The following STAU2 variants were observed in gnomAD, a reference collection of about 807,000 sequenced individuals.
STAU2 encodes double-stranded RNA-binding protein Staufen homolog 2.
STAU2 carries 20 observed loss-of-function variants against 65.9 expected under a neutral mutation model. The ratio of observed to expected loss-of-function variants is 0.30; its 90% CI spans 0.21 to 0.44. STAU2 has a LOEUF of 0.44. Ranked by LOEUF, STAU2 falls within the 20% of genes least tolerant of loss-of-function variation. STAU2 has a pLI of 1.00. For missense variants in STAU2, 558 were observed against 683.9 expected (o/e 0.82, Z 2.05); for synonymous variants, 232 against 233.9 (o/e 0.99, Z 0.07).
intron 12 of STAU2, among the ~76,000 whole-genome samples, chr8:73,566,380 T>C (rs190019342): frequency 8.5e-4 from 130 of 152,362 alleles, no homozygotes; most frequent in Non-Finnish European, 1.1e-3. Context: ...CTCAGCCATT[T>C]AGTGTTTTTA....
In STAU2 at chr8:73,681,309, C is replaced by T. The variant is rs547853698; in HGVS notation, c.274+7345G>A. 1.6e-4 allele frequency among the ~76,000 whole-genome samples: 24 copies of T among 152,274 alleles called. No homozygotes were observed. The South Asian group carries it at 5.0e-3, about 32-fold the overall frequency. On this transcript the variant is annotated intron_variant, in intron 5 of 14. Coordinates refer to ENST00000524300, the MANE Select transcript of STAU2 (RefSeq NM_001164380.2). ...AAGCCAGATGGAATTGAGGTCCTAT[C>T]TTTAGCCTCCTTAAATAAAATAATT...
intron 11 of STAU2, among the ~76,000 whole-genome samples, chr8:73,587,009 C>T (rs1810423302): frequency 6.6e-6 from 1 of 151,820 alleles, no homozygotes; most frequent in Non-Finnish European, 1.5e-5. Context: ...CTCAAATGTC[C>T]AACACAATTT....
intron 13 of STAU2, among the ~76,000 whole-genome samples, chr8:73,442,353 CAAA>C (rs10606663): frequency 0.47 from 46,367 of 98,530 alleles, 6,759 homozygotes; most frequent in Admixed American, 0.57. Flanking sequence ...GACTCCGTCT[CAAA>C]AAAAAAAAAA....
chr8:73,536,539 A>T (rs1045096410), intron 13 of STAU2, among the ~76,000 whole-genome samples: 2 of 152,170 alleles, frequency 1.3e-5, no homozygotes, highest in Admixed American at 6.5e-5. Context: ...GACTGTAATG[A>T]GGCGACCCAA....
At chr8:73,429,312 A>G (rs1817073238) in intron 13 of STAU2, among the ~76,000 whole-genome samples, 1 of 151,366 alleles carries the variant, frequency 6.6e-6, no homozygotes, top group South Asian at 2.1e-4. Context: ...TCCTACCCAT[A>G]AGGAAACAGA....
intron 12 of STAU2, among the ~76,000 whole-genome samples, chr8:73,574,045 A>C (rs1157313870): frequency 6.6e-6 from 1 of 152,234 alleles, no homozygotes; most frequent in Non-Finnish European, 1.5e-5. Context: ...AAAGAACTTA[A>C]ACAAATTTAC....
chr8:73,588,345 T>C (rs1810525117), intron 11 of STAU2, among the ~76,000 whole-genome samples: 1 of 152,204 alleles, frequency 6.6e-6, no homozygotes, highest in African/African-American at 2.4e-5. Context: ...GTTAAATTCT[T>C]AAAGCCTGAG....
At chr8:73,429,118 A>G (rs1817057870) in intron 13 of STAU2, among the ~76,000 whole-genome samples, 1 of 152,192 alleles carries the variant, frequency 6.6e-6, no homozygotes. Flanking sequence ...ATAACCCTGA[A>G]TACAATAGCT....
intron 13 of STAU2, among the ~76,000 whole-genome samples, chr8:73,456,712 A>G (rs936887815): frequency 3.3e-5 from 5 of 152,226 alleles, no homozygotes; most frequent in African/African-American, 7.2e-5. Context: ...ACTGGAGCTG[A>G]TAACATTCTC....
intron 13 of STAU2, among the ~76,000 whole-genome samples, chr8:73,545,458 TTAAG>T (rs1806841960): frequency 6.6e-6 from 1 of 152,170 alleles, no homozygotes; most frequent in Non-Finnish European, 1.5e-5. Flanking sequence ...TGTGACTATA[TTAAG>T]ATGGCAGAAC....
intron 11 of STAU2, among the ~76,000 whole-genome samples, chr8:73,591,882 TAAAAAAAAAAAAAAAAAAAAA>T (rs34533172): frequency 3.5e-5 from 1 of 28,460 alleles, no homozygotes; most frequent in Non-Finnish European, 6.5e-5. Flanking sequence ...ATCCCAGAGG[TAAAAAAAAAAAAAAAAAAAAA>T]AAAAAAAAAA....
At chr8:73,557,894 T>G (rs775024564) in intron 12 of STAU2, among the ~76,000 whole-genome samples, 8 of 152,218 alleles carry the variant, frequency 5.3e-5, no homozygotes, top group Non-Finnish European at 1.0e-4. Flanking sequence ...ATAACTACAG[T>G]ACACAGTTAC....
intron 8 of STAU2, 83 bp downstream of exon 8, chr8:73,615,592 C>T: frequency 1.0e-6 from 1 of 998,844 alleles, no homozygotes; most frequent in East Asian, 2.4e-5. Flanking sequence ...TTGCAGGATA[C>T]TAATACACCA....
chr8:73,688,984 G>A (rs972134520), intron 4 of STAU2, among the ~76,000 whole-genome samples, 171 bp from the exon 5 acceptor site: 5 of 152,178 alleles, frequency 3.3e-5, no homozygotes, highest in Admixed American at 2.6e-4. Flanking sequence ...GAAATTTTAA[G>A]AGAGTACCAA....
intron 11 of STAU2, among the ~76,000 whole-genome samples, chr8:73,584,212 A>G (rs1810203350): frequency 6.6e-6 from 1 of 152,196 alleles, no homozygotes; most frequent in Non-Finnish European, 1.5e-5. Context: ...TCTCTCTCTA[A>G]TTAGCTCTTT....
chr8:73,521,642 C>A (rs946237267), intron 13 of STAU2, among the ~76,000 whole-genome samples: 10 of 152,136 alleles, frequency 6.6e-5, no homozygotes, highest in African/African-American at 2.4e-4. Flanking sequence ...ACTTCCTGGG[C>A]TAGTAATATG....
At chr8:73,581,603 G>GAAA (rs1809988940) in intron 12 of STAU2, among the ~76,000 whole-genome samples, 1 of 152,030 alleles carries the variant, frequency 6.6e-6, no homozygotes, top group African/African-American at 2.4e-5. Flanking sequence ...AACATCAAAG[G>GAAA]AACTGAACAC....
chr8:73,550,885 C>G (rs539794474), intron 13 of STAU2: 302 of 987,372 alleles, frequency 3.1e-4, no homozygotes, highest in Admixed American at 4.3e-4. Context: ...CAAAATACCC[C>G]CCAAAACACA....
At chr8:73,481,269 T>C (rs7831225) in intron 13 of STAU2, among the ~76,000 whole-genome samples, 22,460 of 151,804 alleles carry the variant, frequency 0.15, 2,107 homozygotes, top group East Asian at 0.51. Flanking sequence ...GTTTTAGTTT[T>C]GGAACCCTGC....
Sources: gnomAD v4.1 joint callset for allele counts (sites outside exome capture counted in the v4.1 genomes callset) on GRCh38, gnomAD v4.1.1 for gene constraint, MANE v1.5 for transcripts, NCBI Gene and HGNC (gene_info 2026-07-23, HGNC 2026-07-21) for gene names.